The following FAM204A variants were observed in gnomAD, a reference collection of about 807,000 sequenced individuals.
FAM204A encodes the protein protein FAM204A.
Under a neutral mutation model 35.4 loss-of-function variants are expected in FAM204A, and 16 were observed. The observed-to-expected ratio is 0.45, with a 90% confidence interval of 0.31 to 0.69. The LOEUF (loss-of-function observed/expected upper bound fraction) is 0.69, where lower values mean the gene tolerates loss of function less well. FAM204A is among the 30% of genes least tolerant of loss of function. The pLI is 0.07. For missense variants in FAM204A, 240 were observed against 265.7 expected, an observed-to-expected ratio of 0.90 and a Z score of 0.67; for synonymous variants, 76 against 86.9, an observed-to-expected ratio of 0.88 and a Z score of 0.70.
At chr10:118,325,394 C>A (rs949896518) in intron 7 of FAM204A, among the ~76,000 whole-genome samples, 1 of 151,330 alleles carries the variant, frequency 6.6e-6, no homozygotes, top group Non-Finnish European at 1.5e-5. Context: ...ATGCTCTCTA[C>A]GTAACGAAAC....
intron 7 of FAM204A, among the ~76,000 whole-genome samples, chr10:118,320,570 A>G (rs899282751): frequency 5.3e-5 from 8 of 151,976 alleles, no homozygotes; most frequent in Non-Finnish European, 1.0e-4. Context: ...ACACACACAC[A>G]CATATTTCAA....
In FAM204A at chr10:118,302,544, A is replaced by G. The variant is rs1845819049; in HGVS notation, c.*8313T>C. 6.6e-6 allele frequency: 1 copy of G among 152,232 alleles called. No individual in the cohort carries two copies. Among genetic ancestry groups the G allele is most frequent in the African/African-American group, 2.4e-5 (1 of 41,464 alleles). 9.4% of individuals were successfully genotyped at this position (152,232 alleles called of 1,614,324 possible). The stretch of plus-strand genomic sequence containing the variant: ...CAGAAACATCTGAGGACTTTAATTA[A>G]GCCCTCCACCATCGGGAATGGAACT... On this transcript the variant is annotated 3_prime_UTR_variant, in exon 9 of 9. Coordinates refer to ENST00000369183, the MANE Select transcript of FAM204A (RefSeq NM_022063.3).
intron 8 of FAM204A, 37 bp from the exon 9 acceptor site, chr10:118,310,945 T>TAAAA (rs750128660): frequency 1.7e-6 from 2 of 1,168,816 alleles, no homozygotes; most frequent in Non-Finnish European, 2.3e-6. Context: ...ATTTATTTCT[T>TAAAA]AAAAAAAAAA....
chr10:118,325,935 T>A, intron 7 of FAM204A, among the ~76,000 whole-genome samples: 1 of 152,200 alleles, frequency 6.6e-6, no homozygotes, highest in Admixed American at 6.5e-5. Context: ...CATGGATTAT[T>A]TCTAGCAAGT....
chr10:118,337,304 A>T, intron 2 of FAM204A: 1 of 875,466 alleles, frequency 1.1e-6, no homozygotes, highest in South Asian at 5.2e-5. Context: ...GATGCTTAAA[A>T]TAGAGAAGCC....
chr10:118,335,926 A>G, intron 3 of FAM204A: 1 of 539,878 alleles, frequency 1.9e-6, no homozygotes, highest in Non-Finnish European at 3.2e-6. Context: ...CTCATGTACC[A>G]CGCTAGGCAA....
In FAM204A at chr10:118,305,379, G is replaced by C. The variant is rs1185373653; in HGVS notation, c.*5478C>G. On this transcript the variant is annotated 3_prime_UTR_variant, in exon 9 of 9. Transcript: ENST00000369183. Reference sequence around the variant, plus strand: ...AAAACTTTAAGCTTAAAATCACTGAGTAATGTGCAGAACAAACATTTGCAT... The same window carrying C: ...AAAACTTTAAGCTTAAAATCACTGACTAATGTGCAGAACAAACATTTGCAT... 1 of 152,214 alleles carries C rather than the reference G, an allele frequency of 6.6e-6. No homozygotes were observed. The highest frequency in any genetic ancestry group is 1.5e-5 in the Non-Finnish European group (1 of 68,048). 9.4% of individuals were successfully genotyped at this position (152,214 alleles called of 1,614,324 possible).
Position 118,307,503 on chromosome 10 carries a change from C to G in FAM204A, c.*3354G>C, listed in dbSNP as rs571379648. 6 of 152,344 alleles carry G rather than the reference C, an allele frequency of 3.9e-5. No individual in the cohort carries two copies. In the East Asian group the frequency reaches 1.2e-3, roughly 29 times the overall value. 9.4% of individuals were successfully genotyped at this position (152,344 alleles called of 1,614,324 possible). On this transcript the variant is annotated 3_prime_UTR_variant, in exon 9 of 9. Coordinates refer to ENST00000369183, the MANE Select transcript of FAM204A (RefSeq NM_022063.3). ...TCTGGATTAGACTAGGTTTCACTAA[C>G]TTCAAAATGAGATCTGACATAACAT...
In FAM204A at chr10:118,335,975, T is replaced by A. The variant is rs959712935; in HGVS notation, c.234+207A>T. 7.0e-6 allele frequency: 4 copies of A among 572,444 alleles called. No homozygotes were observed. The South Asian group carries it at 9.0e-5, about 13-fold the overall frequency. 35.5% of individuals were successfully genotyped at this position (572,444 alleles called of 1,614,324 possible). ...CATAGTGGTTTGGGTTTTTTTTTTTTCCCCCTCCGTCTTTCTATGAAAAAC... is the reference window on the plus strand; with the variant it reads ...CATAGTGGTTTGGGTTTTTTTTTTTACCCCCTCCGTCTTTCTATGAAAAAC... On this transcript the variant is annotated intron_variant, in intron 3 of 8. Coordinates refer to ENST00000369183, the MANE Select transcript of FAM204A (RefSeq NM_022063.3).
At chr10:118,328,943 G>A (rs1055059968) in intron 6 of FAM204A, among the ~76,000 whole-genome samples, 4 of 152,102 alleles carry the variant, frequency 2.6e-5, no homozygotes, top group South Asian at 2.1e-4. Context: ...TCTATGAGCT[G>A]GTTTAGCTCT....
chr10:118,331,020 A>G (rs1408121070), intron 6 of FAM204A, among the ~76,000 whole-genome samples: 1 of 152,234 alleles, frequency 6.6e-6, no homozygotes, highest in Non-Finnish European at 1.5e-5. Flanking sequence ...TCAATAAATA[A>G]TAAGGTGCTC....
At chr10:118,334,328 T>C (rs1440697302) in intron 6 of FAM204A, among the ~76,000 whole-genome samples, 1 of 152,154 alleles carries the variant, frequency 6.6e-6, no homozygotes, top group Non-Finnish European at 1.5e-5. Flanking sequence ...TCCCCTTCCA[T>C]ACGCCCCAAA....
chr10:118,328,436 T>C (rs1321999223), intron 6 of FAM204A, among the ~76,000 whole-genome samples: 1 of 151,930 alleles, frequency 6.6e-6, no homozygotes, highest in Admixed American at 6.6e-5. Flanking sequence ...GGAAAAACTC[T>C]AGGCTGGCGG....
intron 6 of FAM204A, 34 bp downstream of exon 6, chr10:118,335,080 T>G (rs1278621098): frequency 6.9e-7 from 1 of 1,445,426 alleles, no homozygotes; most frequent in African/African-American, 1.4e-5. Flanking sequence ...CATATCCTAC[T>G]AGCTGGTATA....
chr10:118,328,088 T>C (rs921504478), intron 6 of FAM204A, among the ~76,000 whole-genome samples: 12 of 152,216 alleles, frequency 7.9e-5, no homozygotes, highest in African/African-American at 2.4e-4. Context: ...TATCTCTTTG[T>C]ATATCAATGC....
At chr10:118,336,780 A>C (rs1846395777) in intron 2 of FAM204A, among the ~76,000 whole-genome samples, 1 of 152,198 alleles carries the variant, frequency 6.6e-6, no homozygotes, top group Admixed American at 6.5e-5. Flanking sequence ...AAAACCTAAC[A>C]ACATACTTTG....
At chr10:118,312,083 C>T (rs530669629) in intron 7 of FAM204A, among the ~76,000 whole-genome samples, 16 of 152,324 alleles carry the variant, frequency 1.1e-4, no homozygotes, top group Non-Finnish European at 2.4e-4. Context: ...CCCTGCACGG[C>T]GCTCTGGCTG....
chr10:118,336,889 G>T (rs1846397213), intron 2 of FAM204A, among the ~76,000 whole-genome samples: 1 of 152,132 alleles, frequency 6.6e-6, no homozygotes, highest in African/African-American at 2.4e-5. Flanking sequence ...CTTTCAGAGG[G>T]CGTCTTGTCT....
At chr10:118,338,658 C>T (rs1846424964) in intron 2 of FAM204A, among the ~76,000 whole-genome samples, 2 of 152,226 alleles carry the variant, frequency 1.3e-5, no homozygotes, top group African/African-American at 4.8e-5. Flanking sequence ...CAAGTTTCTG[C>T]TCAGTTTTTG....
Sources: gnomAD v4.1 joint callset for allele counts (sites outside exome capture counted in the v4.1 genomes callset) on GRCh38, gnomAD v4.1.1 for gene constraint, MANE v1.5 for transcripts, NCBI Gene and HGNC (gene_info 2026-07-23, HGNC 2026-07-21) for gene names.